The following FGF1 variants were observed in gnomAD, a reference collection of about 807,000 sequenced individuals.
The protein encoded by FGF1 is beta-endothelial cell growth factor.
Under a neutral mutation model 13.4 loss-of-function variants are expected in FGF1, and 9 were observed. The observed-to-expected ratio is 0.67, with a 90% CI of 0.40 to 1.17. The LOEUF (loss-of-function observed/expected upper bound fraction) is 1.17. Among genes scored for constraint, FGF1 ranks in the 50% most tolerant of loss-of-function variants. FGF1 has a pLI of 0.01. For synonymous variants in FGF1, 93 were observed against 79.0 expected (o/e 1.18, Z -0.94); for missense variants, 156 against 192.7 (o/e 0.81, Z 1.13).
chr5:142,690,207 G>C (rs113742347), upstream of FGF1, among the ~76,000 whole-genome samples: 12,025 of 151,726 alleles, frequency 0.079, 600 homozygotes, highest in African/African-American at 0.13. Context: ...TGTAGTCCCA[G>C]CTACTCGGGA....
At chr5:142,605,829 G>C (rs1318731099) in intron 2 of FGF1, among the ~76,000 whole-genome samples, 1 of 152,156 alleles carries the variant, frequency 6.6e-6, no homozygotes, top group African/African-American at 2.4e-5. Flanking sequence ...AGCTGGCTTG[G>C]TGTCCAGCTC....
At chr5:142,689,945 C>T (rs1751898917), upstream of FGF1, among the ~76,000 whole-genome samples, 1 of 148,984 alleles carries the variant, frequency 6.7e-6, no homozygotes, top group South Asian at 2.2e-4. Context: ...TCGTGATCTG[C>T]CCACCTCGGC....
chr5:142,620,279 A>G (rs986614466), intron 1 of FGF1, among the ~76,000 whole-genome samples: 5 of 152,038 alleles, frequency 3.3e-5, no homozygotes, highest in South Asian at 2.1e-4. Flanking sequence ...TTAGCTGGGC[A>G]TGGTGGTGGG....
intron 1 of FGF1, among the ~76,000 whole-genome samples, chr5:142,662,104 C>T (rs575962701): frequency 6.6e-5 from 10 of 152,084 alleles, no homozygotes; most frequent in Admixed American, 1.3e-4. Context: ...AGAGACAGAA[C>T]GTAGATTAGT....
intron 1 of FGF1, among the ~76,000 whole-genome samples, chr5:142,647,538 G>T (rs974416399): frequency 1.3e-5 from 2 of 152,114 alleles, no homozygotes; most frequent in African/African-American, 2.4e-5. Flanking sequence ...AATTTAAAGG[G>T]CCTCACCAAT....
chr5:142,670,786 G>A (rs879317662), intron 1 of FGF1, among the ~76,000 whole-genome samples: 2 of 152,098 alleles, frequency 1.3e-5, no homozygotes, highest in Admixed American at 6.5e-5. Context: ...TTAATGTCTC[G>A]GCCCGATGTT....
At chr5:142,666,109 C>CG (rs1770252606) in intron 1 of FGF1, among the ~76,000 whole-genome samples, 5 of 156 alleles carry the variant, frequency 0.032, no homozygotes, top group South Asian at 0.25. Flanking sequence ...TCTAGTATGG[C>CG]ACTTGCTGAA....
intron 1 of FGF1, among the ~76,000 whole-genome samples, chr5:142,629,965 C>G (rs906209551): frequency 2.8e-4 from 42 of 149,920 alleles, no homozygotes; most frequent in Middle Eastern, 6.9e-3. Flanking sequence ...ATGATCTCGG[C>G]TCACTGTAAG....
intron 1 of FGF1, among the ~76,000 whole-genome samples, chr5:142,642,731 C>T (rs906665304): frequency 6.6e-6 from 1 of 152,128 alleles, no homozygotes; most frequent in African/African-American, 2.4e-5. Flanking sequence ...CTGAGAGAGC[C>T]AAAGAGCTGT....
At chr5:142,604,850 G>A (rs1757302422) in intron 2 of FGF1, among the ~76,000 whole-genome samples, 1 of 152,084 alleles carries the variant, frequency 6.6e-6, no homozygotes, top group Admixed American at 6.5e-5. Context: ...TCCAATTATG[G>A]GAATGGATTG....
intron 1 of FGF1, among the ~76,000 whole-genome samples, chr5:142,647,603 T>C (rs191594277): frequency 7.4e-4 from 112 of 152,356 alleles, no homozygotes; most frequent in Middle Eastern, 3.4e-3. Context: ...GACCCAAATC[T>C]AAATACTAAA....
chr5:142,594,126 T>C lies in FGF1; in HGVS notation c.*1164A>G, dbSNP rs1334714832. 1.3e-5 allele frequency: 2 copies of C among 152,224 alleles called. No individual in the cohort carries two copies. Among genetic ancestry groups the C allele is most frequent in the Non-Finnish European group, 2.9e-5 (2 of 68,028 alleles). 9.4% of individuals were successfully genotyped at this position (152,224 alleles called of 1,614,324 possible). ...TCATGAGGTGTGCATTTTTAAGGGT[T>C]AGTTGAGGTCAGGTGAGGTTCGGGG... On this transcript the variant is annotated 3_prime_UTR_variant, in exon 4 of 4. Coordinates refer to ENST00000337706, the MANE Select transcript of FGF1 (RefSeq NM_000800.5).
At chr5:142,673,619 ACCAGC>A (rs1771906256) in intron 1 of FGF1, among the ~76,000 whole-genome samples, 1 of 152,104 alleles carries the variant, frequency 6.6e-6, no homozygotes, top group Non-Finnish European at 1.5e-5. Flanking sequence ...TTCTGGAAGA[ACCAGC>A]CTGACTCTTT....
intron 1 of FGF1, among the ~76,000 whole-genome samples, chr5:142,660,692 G>A (rs531932794): frequency 1.1e-4 from 17 of 152,322 alleles, no homozygotes; most frequent in Non-Finnish European, 8.8e-5. Flanking sequence ...TCATCAGCAA[G>A]TTTTTAATGC....
rs536412279 is a variant in FGF1, at chr5:142,635,819, T to C, written c.-34-21658A>G. ...TCCCTAGTCTGGGTGATATTTTTTC[T>C]ACATCAAGATAGAAGAAAGCAGTGC... On this transcript the variant is annotated intron_variant, in intron 1 of 3. Transcript: ENST00000337706. 2.6e-5 allele frequency among the ~76,000 whole-genome samples: 4 copies of C among 152,332 alleles called. No homozygotes were observed. In the East Asian group the frequency reaches 7.7e-4, roughly 29 times the overall value.
upstream of FGF1, among the ~76,000 whole-genome samples, chr5:142,689,157 T>C (rs533618854): frequency 3.4e-4 from 52 of 152,310 alleles, no homozygotes; most frequent in African/African-American, 1.2e-3. Flanking sequence ...ATTCATCCTG[T>C]TTACACAAAT....
At position 142,648,689 on chromosome 5, in the gene FGF1, C is replaced by CAAAAAAAAAAA. The variant is rs11451715; in HGVS notation, c.-34-34539_-34-34529dup. Among the ~76,000 whole-genome samples the CAAAAAAAAAAA allele has an allele frequency of 1.7e-4, 11 of 66,208 alleles. 1 individual carries two copies. The highest frequency in any genetic ancestry group is 5.3e-4 in the East Asian group (1 of 1,898). The allele number at this position is 66,208 out of a possible 152,430, so 43.4% of individuals were successfully genotyped here. ...AAAAAGTGATTTGTCCCCCACCAAC[C>CAAAAAAAAAAA]AAAAAAAAAAAAAAAAAAAAAAAAG... is the stretch of plus-strand genomic sequence containing the variant. On this transcript the variant is annotated intron_variant, in intron 1 of 3. Transcript: ENST00000337706.
intron 1 of FGF1, among the ~76,000 whole-genome samples, chr5:142,672,583 C>T (rs989316216): frequency 2.7e-5 from 4 of 149,706 alleles, no homozygotes; most frequent in Admixed American, 6.7e-5. Context: ...CGGCTCACTG[C>T]AACTTCCGCT....
At chr5:142,675,465 T>A (rs1772365670) in intron 1 of FGF1, among the ~76,000 whole-genome samples, 1 of 152,170 alleles carries the variant, frequency 6.6e-6, no homozygotes, top group South Asian at 2.1e-4. Flanking sequence ...TGCAAGGGAA[T>A]ATTCTCAGAC....
Sources: gnomAD v4.1 joint callset for allele counts (sites outside exome capture counted in the v4.1 genomes callset) on GRCh38, gnomAD v4.1.1 for gene constraint, MANE v1.5 for transcripts, NCBI Gene and HGNC (gene_info 2026-07-23, HGNC 2026-07-21) for gene names.